The following ZER1 variants were observed in gnomAD, a reference collection of about 807,000 sequenced individuals.
ZER1 encodes protein zer-1 homolog.
Under a neutral mutation model 78.8 loss-of-function variants are expected in ZER1, and 11 were observed. The observed-to-expected ratio is 0.14, with a 90% CI of 0.09 to 0.23. ZER1 has a LOEUF of 0.23. ZER1 is among the 10% of genes least tolerant of loss of function. The pLI, the probability that ZER1 is intolerant of heterozygous loss-of-function variation, is 1.00. For synonymous variants in ZER1, 400 were observed against 407.0 expected, an observed-to-expected ratio of 0.98 and a Z score of 0.21; for missense variants, 588 against 996.9, an observed-to-expected ratio of 0.59 and a Z score of 5.52.
chr9:128,769,678 G>C (rs1033462836), intron 1 of ZER1, among the ~76,000 whole-genome samples: 4 of 152,098 alleles, frequency 2.6e-5, no homozygotes, highest in Non-Finnish European at 4.4e-5. Flanking sequence ...AAAGTGCTGG[G>C]ATTACAGGTG....
chr9:128,734,176 A>AT (rs1342642350), intron 14 of ZER1, among the ~76,000 whole-genome samples: 1,047 of 70,382 alleles, frequency 0.015, 40 homozygotes, highest in East Asian at 0.026. Context: ...ATCTTAAAAA[A>AT]AATATATATA....
rs1862806172 is a variant in ZER1, at chr9:128,731,247, C to T, written c.*90G>A. ...TGTCTCTTCACTCCGTGGGAGGCTC[C>T]CTCGGAAGGGGCCCGCCCGCTGGGC... On this transcript the variant is annotated 3_prime_UTR_variant, in exon 16 of 16. Coordinates refer to ENST00000291900, the MANE Select transcript of ZER1 (RefSeq NM_006336.4). 2 of 1,324,522 alleles carry T rather than the reference C, an allele frequency of 1.5e-6. No homozygotes were observed. Among genetic ancestry groups the T allele is most frequent in the Non-Finnish European group, 2.1e-6 (2 of 951,366 alleles). 82.0% of individuals were successfully genotyped at this position (1,324,522 alleles called of 1,614,324 possible).
In ZER1 at chr9:128,754,806, G is replaced by A. The variant is rs564688495; in HGVS notation, c.158+602C>T. ...CCCAAAATGCTGGAATTACACGTGT[G>A]AGCCACCATGCCTGGCCACCATCTG... On this transcript the variant is annotated intron_variant, in intron 2 of 15. Transcript: ENST00000291900. This position sits in a 1 kb window ranked among gnomAD's most constrained non-coding sequence, Gnocchi z 4.3. 1.2e-4 allele frequency among the ~76,000 whole-genome samples: 18 copies of A among 152,014 alleles called. 2 individuals carry two copies. In the South Asian group the frequency reaches 3.5e-3, roughly 30 times the overall value.
At chr9:128,761,942 G>C (rs1299274137) in intron 1 of ZER1, among the ~76,000 whole-genome samples, 3 of 77,562 alleles carry the variant, frequency 3.9e-5, no homozygotes, top group Non-Finnish European at 7.4e-5. Flanking sequence ...AGGTCAAACA[G>C]AGGGAGCTGT....
chr9:128,739,786 G>T, intron 13 of ZER1, 145 bp downstream of exon 13: 1 of 982,224 alleles, frequency 1.0e-6, no homozygotes, highest in Non-Finnish European at 1.5e-6. Flanking sequence ...GCTGTGTGCG[G>T]CTACGTATCA....
At chr9:128,764,607 G>A (rs1864149257) in intron 1 of ZER1, among the ~76,000 whole-genome samples, 1 of 152,206 alleles carries the variant, frequency 6.6e-6, no homozygotes, top group Admixed American at 6.5e-5. Context: ...AGCTGGAAGA[G>A]GAAGCAGCCA....
chr9:128,750,043 C>G, intron 8 of ZER1, among the ~76,000 whole-genome samples: 1 of 151,880 alleles, frequency 6.6e-6, no homozygotes, highest in East Asian at 1.9e-4. Context: ...AACTCCATCT[C>G]AAAAAAGAAA....
chr9:128,761,674 G>A (rs984666858), intron 1 of ZER1, among the ~76,000 whole-genome samples: 17 of 143,652 alleles, frequency 1.2e-4, no homozygotes, highest in Non-Finnish European at 2.3e-4. Flanking sequence ...GTACGATCTC[G>A]GCTCACTGCA....
intron 9 of ZER1, 115 bp from the exon 10 acceptor site, chr9:128,741,956 G>A (rs759417450): frequency 1.6e-5 from 21 of 1,345,332 alleles, no homozygotes; most frequent in Non-Finnish European, 2.1e-5. Context: ...GAGTCTTGAC[G>A]AGATCAAGTC....
At chr9:128,757,203 T>TA (rs142815990) in intron 1 of ZER1, among the ~76,000 whole-genome samples, 3,168 of 152,138 alleles carry the variant, frequency 0.021, 117 homozygotes, top group African/African-American at 0.073. Context: ...GCCTCAAAAT[T>TA]AAAAACTCTG....
chr9:128,733,184 A>G (rs369896661), intron 15 of ZER1: 1 of 466,996 alleles, frequency 2.1e-6, no homozygotes, highest in African/African-American at 1.9e-5. Context: ...AAAGAAAACT[A>G]AGCTTACAAA....
rs1864391445 is a variant in ZER1 at position 128,771,713 on chromosome 9, C to T, written c.-227G>A. On this transcript the variant is annotated 5_prime_UTR_variant, in exon 1 of 16. Coordinates refer to ENST00000291900, the MANE Select transcript of ZER1 (RefSeq NM_006336.4). ...GTTGGGGATCTCGTCAGGCTAGAGC[C>T]GGGGTCCAGGGGAGACGGGGGTCGG... The T allele has an allele frequency of 6.8e-6, 1 of 147,236 alleles. No individual in the cohort carries two copies. Among genetic ancestry groups the T allele is most frequent in the Admixed American group, 6.8e-5 (1 of 14,794 alleles). 9.1% of individuals were successfully genotyped at this position (147,236 alleles called of 1,614,324 possible).
intron 8 of ZER1, among the ~76,000 whole-genome samples, chr9:128,744,035 T>A (rs1863400654): frequency 6.6e-6 from 1 of 151,750 alleles, no homozygotes; most frequent in Non-Finnish European, 1.5e-5. Context: ...GTAGCTAGGA[T>A]TACAGGCAAC....
At chr9:128,770,936 G>A (rs1864363754) in intron 1 of ZER1, among the ~76,000 whole-genome samples, 1 of 152,198 alleles carries the variant, frequency 6.6e-6, no homozygotes, top group Admixed American at 6.5e-5. Flanking sequence ...TTTGGAGGCT[G>A]GAGCGGGCGG....
At chr9:128,734,981 C>T (rs1300319132) in intron 14 of ZER1, among the ~76,000 whole-genome samples, 1 of 152,114 alleles carries the variant, frequency 6.6e-6, no homozygotes, top group African/African-American at 2.4e-5. Context: ...GCTGGAAACT[C>T]CAGACCTCAG....
chr9:128,746,191 G>T (rs562536758), intron 8 of ZER1: 11 of 152,236 alleles, frequency 7.2e-5, no homozygotes, highest in African/African-American at 2.6e-4. Context: ...TCTAAGAACA[G>T]TTCTAATTGC....
At position 128,751,245 on chromosome 9, in the gene ZER1, C is replaced by T. The variant is rs1297578425; in HGVS notation, c.1062G>A (p.Glu354=). ...AGGCCTCGATGGCATTCAGCACCTG[C>T]TCTTCGTTTTTGTCACCACTTACCT... ...AYKVSGDKNE[E]QVLNAIEAYT... Residue 354 remains glutamate (E), a synonymous_variant, in exon 7 of 16, where the codon GAG becomes GAA. Transcript: ENST00000291900. This position sits in a 1 kb window ranked among gnomAD's most constrained non-coding sequence, Gnocchi z 5.4. 18 of 1,600,004 alleles carry T rather than the reference C, an allele frequency of 1.1e-5. No individual in the cohort carries two copies. The highest frequency in any genetic ancestry group is 1.5e-5 in the Non-Finnish European group (17 of 1,168,536).
intron 1 of ZER1, among the ~76,000 whole-genome samples, chr9:128,758,276 C>T (rs977364120): frequency 3.3e-5 from 5 of 151,796 alleles, no homozygotes; most frequent in Admixed American, 6.6e-5. Context: ...TGCGCCATCA[C>T]GCCGGGCTAA....
rs1040414541 is a variant in ZER1 at position 128,730,756 on chromosome 9, C to T, written c.*581G>A. ...CCTGGACCTCAGCCTAGGAATGGCT[C>T]ACTTTCCTGCCCCAGATGGCCCACA... On this transcript the variant is annotated 3_prime_UTR_variant, in exon 16 of 16. Transcript: ENST00000291900. 6.5e-6 allele frequency: 1 copy of T among 152,802 alleles called. No individual in the cohort carries two copies. The highest frequency in any genetic ancestry group is 1.5e-5 in the Non-Finnish European group (1 of 68,156). 9.5% of individuals were successfully genotyped at this position (152,802 alleles called of 1,614,324 possible).
Sources: allele counts gnomAD v4.1 joint callset (sites outside exome capture counted in the v4.1 genomes callset), GRCh38; gene constraint gnomAD v4.1.1; non-coding constraint Gnocchi (gnomAD v3.1); transcripts MANE v1.5; gene names NCBI Gene and HGNC (gene_info 2026-07-23, HGNC 2026-07-21).